Variants in VPS53 observed in about 807,000 individuals in gnomAD.
The protein encoded by VPS53 is vacuolar protein sorting-associated protein 53 homolog.
A neutral mutation model predicts 107.0 loss-of-function variants in VPS53; 70 were observed. The ratio of observed to expected loss-of-function variants is 0.65; its 90% CI spans 0.54 to 0.80. VPS53 has a LOEUF of 0.80. VPS53 is among the 30% of genes least tolerant of loss of function. The pLI is 0.00. For synonymous variants in VPS53, 409 were observed against 393.3 expected (o/e 1.04, Z -0.47); for missense variants, 917 against 1,049.4 (o/e 0.87, Z 1.74).
chr17:644,469 C>T (rs903436034), intron 7 of VPS53, among the ~76,000 whole-genome samples: 10 of 152,140 alleles, frequency 6.6e-5, no homozygotes, highest in African/African-American at 2.4e-4. Context: ...AGAAAGGATG[C>T]TAAAAATAAG....
chr17:689,464 ATTTTTTTTTTTTT>A (rs1184638230), intron 4 of VPS53, among the ~76,000 whole-genome samples: 1 of 111,636 alleles, frequency 9.0e-6, no homozygotes, highest in Non-Finnish European at 1.7e-5. Context: ...TGCTGGACTA[ATTTTTTTTTTTTT>A]TTTTTTTTTT....
At chr17:599,380 G>C (rs1968206797) in intron 12 of VPS53, among the ~76,000 whole-genome samples, 1 of 152,100 alleles carries the variant, frequency 6.6e-6, no homozygotes, top group Non-Finnish European at 1.5e-5. Flanking sequence ...AGTAGACATG[G>C]GAGACTTTTC....
At chr17:602,995 G>A (rs2360736) in intron 11 of VPS53, among the ~76,000 whole-genome samples, 150,837 of 152,346 alleles carry the variant, frequency 0.99, 74,695 homozygotes, top group East Asian at 1. Context: ...AATGTACTTG[G>A]TATTTTAGCC....
chr17:594,463 C>T (rs1200255160), intron 12 of VPS53, among the ~76,000 whole-genome samples: 3 of 150,216 alleles, frequency 2.0e-5, no homozygotes, highest in Non-Finnish European at 3.0e-5. Context: ...TAGTGCCCCC[C>T]CTGGAGGAAG....
At chr17:598,489 C>T (rs1432659146) in intron 12 of VPS53, among the ~76,000 whole-genome samples, 5 of 151,590 alleles carry the variant, frequency 3.3e-5, no homozygotes, top group East Asian at 4.0e-4. Context: ...CGTCTCCGCC[C>T]GGCCGCCATC....
rs1202190130 is a variant in VPS53, at chr17:512,296, A to C, written c.*6832T>G. On this transcript the variant is annotated 3_prime_UTR_variant, in exon 22 of 22. Transcript: ENST00000437048. ...AGTGCATATAGCCCGGTCTTGTGTGACCTTCACAGCCAATATTCATTATAA... is the reference window on the plus strand; with the variant it reads ...AGTGCATATAGCCCGGTCTTGTGTGCCCTTCACAGCCAATATTCATTATAA... 1 of 152,186 alleles carries C rather than the reference A, an allele frequency of 6.6e-6. No individual in the cohort carries two copies. Among genetic ancestry groups the C allele is most frequent in the Admixed American group, 6.5e-5 (1 of 15,286 alleles). 9.4% of individuals were successfully genotyped at this position (152,186 alleles called of 1,614,324 possible).
intron 1 of VPS53, among the ~76,000 whole-genome samples, chr17:713,751 C>T (rs1272077532): frequency 2.6e-5 from 4 of 151,128 alleles, no homozygotes; most frequent in African/African-American, 4.9e-5. Context: ...AGAGTTCCTG[C>T]AGGCAGGGCC....
Position 519,952 on chromosome 17 carries a change from G to T in VPS53, c.2224-22C>A. On this transcript the variant is annotated intron_variant, in intron 20 of 21. Coordinates refer to ENST00000437048, the MANE Select transcript of VPS53 (RefSeq NM_001128159.3). The surrounding 1 kb of genome is among the most constrained non-coding windows in gnomAD (Gnocchi z 5.0). ...CTACCTACAGCGGGAGGAGACAGGA[G>T]CAAGCCCCTCAGGAAAACTACCACC... is the stretch of plus-strand genomic sequence containing the variant. 3 of 1,524,032 alleles carry T rather than the reference G, an allele frequency of 2.0e-6. No homozygotes were observed. The highest frequency in any genetic ancestry group is 1.4e-5 in the African/African-American group (1 of 72,602). 94.4% of individuals were successfully genotyped at this position (1,524,032 alleles called of 1,614,324 possible). A position where few individuals can be genotyped will look rare whatever the true frequency, so the allele number is the denominator to read the frequency against.
intron 4 of VPS53, among the ~76,000 whole-genome samples, chr17:692,292 G>C (rs1351966163): frequency 6.6e-6 from 1 of 152,052 alleles, no homozygotes; most frequent in Non-Finnish European, 1.5e-5. Flanking sequence ...TCATGTACTT[G>C]TTGAATTGAC....
chr17:556,400 G>A (rs1912353390), intron 15 of VPS53, among the ~76,000 whole-genome samples: 1 of 152,188 alleles, frequency 6.6e-6, no homozygotes, highest in South Asian at 2.1e-4. Context: ...AATAATATGG[G>A]AAACTGGGTA....
chr17:676,830 G>GA (rs1364866365), intron 4 of VPS53, among the ~76,000 whole-genome samples: 1 of 148,506 alleles, frequency 6.7e-6, no homozygotes, highest in Non-Finnish European at 1.5e-5. Context: ...CTAAATAAAA[G>GA]AAAAAATCAG....
intron 12 of VPS53, among the ~76,000 whole-genome samples, chr17:589,314 A>G (rs1967508380): frequency 6.6e-6 from 1 of 152,088 alleles, no homozygotes; most frequent in African/African-American, 2.4e-5. Context: ...ATCACTTTAA[A>G]ATGGCTACAT....
intron 12 of VPS53, among the ~76,000 whole-genome samples, chr17:599,150 G>T: frequency 6.7e-6 from 1 of 148,884 alleles, no homozygotes; most frequent in Non-Finnish European, 1.5e-5. Flanking sequence ...CCCCCGCCCG[G>T]CCAGCCGCCC....
At chr17:685,107 CA>C (rs2143816269) in intron 4 of VPS53, 1 of 152,168 alleles carries the variant, frequency 6.6e-6, no homozygotes, top group Admixed American at 6.5e-5. Context: ...ACAGAGAAAA[CA>C]AAAAGACAGA....
At chr17:713,860 T>C (rs1382721424) in intron 1 of VPS53, among the ~76,000 whole-genome samples, 3 of 145,108 alleles carry the variant, frequency 2.1e-5, no homozygotes, top group South Asian at 2.2e-4. Context: ...GCCAAAACGG[T>C]GAAACCCCCG....
At chr17:709,708 G>T (rs1973565477) in intron 2 of VPS53, among the ~76,000 whole-genome samples, 2 of 152,012 alleles carry the variant, frequency 1.3e-5, no homozygotes, top group Non-Finnish European at 2.9e-5. Context: ...AAACGAAGCG[G>T]GACTCTCACT....
chr17:618,307 C>G (rs1226291862), intron 11 of VPS53, among the ~76,000 whole-genome samples: 3 of 93,904 alleles, frequency 3.2e-5, no homozygotes, highest in Admixed American at 1.0e-4. Context: ...TGCGCCACCA[C>G]GCCCCACTAA....
rs890498049 is a variant in VPS53 at position 511,800 on chromosome 17, A to T, written c.*7328T>A. The T allele has an allele frequency of 6.6e-6, 1 of 152,284 alleles. No homozygotes were observed. The highest frequency in any genetic ancestry group is 2.4e-5 in the African/African-American group (1 of 41,470). 9.4% of individuals were successfully genotyped at this position (152,284 alleles called of 1,614,324 possible). A position where few individuals can be genotyped will look rare whatever the true frequency, so the allele number is the denominator to read the frequency against. On this transcript the variant is annotated 3_prime_UTR_variant, in exon 22 of 22. Coordinates refer to ENST00000437048, the MANE Select transcript of VPS53 (RefSeq NM_001128159.3). ...ATAAGTAAAAGGAAAAAAAAGAAAAAGAAAGGCAGGCAAGAATTTTTGTCC... is the reference window on the plus strand; with the variant it reads ...ATAAGTAAAAGGAAAAAAAAGAAAATGAAAGGCAGGCAAGAATTTTTGTCC...
chr17:527,619 A>G (rs1291115522), intron 19 of VPS53, among the ~76,000 whole-genome samples: 2 of 152,078 alleles, frequency 1.3e-5, no homozygotes, highest in Non-Finnish European at 2.9e-5. Context: ...CTTTTAAATT[A>G]TTATTATGAT....
Sources: gnomAD v4.1 joint callset for allele counts (sites outside exome capture counted in the v4.1 genomes callset) on GRCh38, gnomAD v4.1.1 for gene constraint, Gnocchi (gnomAD v3.1) non-coding constraint, MANE v1.5 for transcripts, NCBI Gene and HGNC (gene_info 2026-07-23, HGNC 2026-07-21) for gene names.